ATXN1: variants seen among roughly 807,000 people sequenced by gnomAD.
The protein encoded by ATXN1 is ataxin-1.
ATXN1 carries 8 observed loss-of-function variants against 56.4 expected under a neutral mutation model. The ratio of observed to expected loss-of-function variants is 0.14; its 90% confidence interval spans 0.08 to 0.26. ATXN1 has a LOEUF of 0.26. Among genes scored for constraint, ATXN1 ranks in the 10% least tolerant of loss-of-function variants. The pLI is 1.00. For missense variants in ATXN1, 987 were observed against 1,106.5 expected (o/e 0.89, Z 1.53); for synonymous variants, 514 against 494.6 (o/e 1.04, Z -0.52).
chr6:16,332,328 C>T (rs180701804), intron 6 of ATXN1, among the ~76,000 whole-genome samples: 4 of 151,914 alleles, frequency 2.6e-5, no homozygotes, highest in Non-Finnish European at 5.9e-5. Context: ...CCTGGTCTAT[C>T]GGGTGATCAT....
At chr6:16,683,050 G>A (rs1355238679) in intron 2 of ATXN1, among the ~76,000 whole-genome samples, 3 of 152,022 alleles carry the variant, frequency 2.0e-5, no homozygotes, top group African/African-American at 7.2e-5. Context: ...CAACCAGGGA[G>A]TTGATGAGAT....
chr6:16,754,731 T>G (rs1348934025), intron 1 of ATXN1: 1 of 152,196 alleles, frequency 6.6e-6, no homozygotes, highest in Non-Finnish European at 1.5e-5. Flanking sequence ...TAGTCCTTGG[T>G]TTCCCCACAT....
chr6:16,338,243 C>G (rs1476826428), intron 6 of ATXN1, among the ~76,000 whole-genome samples: 2 of 152,152 alleles, frequency 1.3e-5, no homozygotes, highest in Non-Finnish European at 2.9e-5. Flanking sequence ...CCTGCAAACC[C>G]AGCACTTTAG....
chr6:16,379,241 G>A (rs1040852738), intron 6 of ATXN1, among the ~76,000 whole-genome samples: 8 of 152,112 alleles, frequency 5.3e-5, no homozygotes, highest in African/African-American at 7.2e-5. Context: ...ATGATACAGC[G>A]GACTTTGGGC....
chr6:16,603,535 C>T (rs147659532), intron 3 of ATXN1, among the ~76,000 whole-genome samples: 305 of 152,282 alleles, frequency 2.0e-3, no homozygotes, highest in African/African-American at 5.9e-3. Flanking sequence ...GGTTTTAAGA[C>T]GAGCAGGTGA....
intron 2 of ATXN1, among the ~76,000 whole-genome samples, chr6:16,688,775 A>G (rs1344874837): frequency 2.0e-5 from 3 of 152,212 alleles, no homozygotes; most frequent in Admixed American, 6.5e-5. Flanking sequence ...ATGCCATTCT[A>G]AAACTACCAA....
intron 5 of ATXN1, among the ~76,000 whole-genome samples, chr6:16,491,319 T>C (rs2113662617): frequency 6.9e-6 from 1 of 145,836 alleles, no homozygotes; most frequent in South Asian, 2.2e-4. Flanking sequence ...GGTTTCGCTC[T>C]TGTTGCCCAG....
At chr6:16,561,959 C>A (rs1278074956) in intron 4 of ATXN1, among the ~76,000 whole-genome samples, 4 of 152,122 alleles carry the variant, frequency 2.6e-5, no homozygotes, top group Non-Finnish European at 5.9e-5. Flanking sequence ...TGGTTATACA[C>A]ACTTAGGCAG....
At chr6:16,406,986 C>T (rs1372599365) in intron 6 of ATXN1, among the ~76,000 whole-genome samples, 1 of 152,198 alleles carries the variant, frequency 6.6e-6, no homozygotes, top group Non-Finnish European at 1.5e-5. Context: ...TAAAAATGGT[C>T]TTGCTGAGGA....
rs1221623818 is a variant in ATXN1, at chr6:16,302,668, G to GTAT, written c.*3658_*3660dup. 1 of 152,490 alleles carries GTAT rather than the reference G, an allele frequency of 6.6e-6. No individual in the cohort carries two copies. The highest frequency in any genetic ancestry group is 1.5e-5 in the Non-Finnish European group (1 of 68,008). The allele number at this position is 152,490 out of a possible 1,614,324, so 9.4% of individuals were successfully genotyped here. On this transcript the variant is annotated 3_prime_UTR_variant, in exon 8 of 8. Coordinates refer to ENST00000436367, the MANE Select transcript of ATXN1 (RefSeq NM_001128164.2). ...CTTGTTTGTTGGTTTCTTATTAATA[G>GTAT]TATTATTTTTTTCTTTTCGCCCTGA...
At chr6:16,724,264 T>G (rs145017131) in intron 2 of ATXN1, among the ~76,000 whole-genome samples, 1 of 152,100 alleles carries the variant, frequency 6.6e-6, no homozygotes, top group Non-Finnish European at 1.5e-5. Context: ...TCCTTCAGTA[T>G]GAATCGAGAG....
At chr6:16,654,085 A>T (rs1758136407) in intron 3 of ATXN1, among the ~76,000 whole-genome samples, 1 of 152,198 alleles carries the variant, frequency 6.6e-6, no homozygotes, top group Non-Finnish European at 1.5e-5. Context: ...AGCAGGAGGT[A>T]CTGGGATTAG....
At chr6:16,742,340 C>A (rs1002816867) in intron 2 of ATXN1, among the ~76,000 whole-genome samples, 1 of 152,174 alleles carries the variant, frequency 6.6e-6, no homozygotes, top group African/African-American at 2.4e-5. Flanking sequence ...GTCTGGGTTG[C>A]AGTGACCCAG....
intron 2 of ATXN1, among the ~76,000 whole-genome samples, chr6:16,693,406 T>C (rs1258387164): frequency 6.6e-6 from 1 of 152,132 alleles, no homozygotes; most frequent in Non-Finnish European, 1.5e-5. Flanking sequence ...ACAAGGTATG[T>C]GAAAGGGCTT....
intron 1 of ATXN1, chr6:16,761,065 TAC>T (rs3831007): frequency 0.39 from 116,113 of 300,836 alleles, 9,886 homozygotes; most frequent in South Asian, 0.45. Flanking sequence ...TGTACACACA[TAC>T]ACACACACAC....
intron 2 of ATXN1, among the ~76,000 whole-genome samples, chr6:16,731,721 T>C (rs1038694325): frequency 6.6e-6 from 1 of 152,046 alleles, no homozygotes; most frequent in Admixed American, 6.6e-5. Flanking sequence ...TGTCATTTAA[T>C]TTTTATCTAA....
intron 2 of ATXN1, among the ~76,000 whole-genome samples, chr6:16,667,913 T>C (rs1347603060): frequency 6.6e-6 from 1 of 152,220 alleles, no homozygotes; most frequent in Non-Finnish European, 1.5e-5. Context: ...TGTCTTTCTA[T>C]AACCACTGCA....
chr6:16,525,003 G>T (rs575330280), intron 4 of ATXN1, among the ~76,000 whole-genome samples: 5 of 152,298 alleles, frequency 3.3e-5, no homozygotes, highest in African/African-American at 1.2e-4. Flanking sequence ...AGTGAGCCAA[G>T]ATCATGCCAC....
intron 3 of ATXN1, among the ~76,000 whole-genome samples, chr6:16,645,412 C>T (rs2299064): frequency 0.26 from 39,687 of 152,090 alleles, 5,499 homozygotes; most frequent in East Asian, 0.47. Flanking sequence ...GCAAAGTAGA[C>T]TGGGTCCTTG....
Sources: gnomAD v4.1 joint callset for allele counts (sites outside exome capture counted in the v4.1 genomes callset) on GRCh38, gnomAD v4.1.1 for gene constraint, MANE v1.5 for transcripts, NCBI Gene and HGNC (gene_info 2026-07-23, HGNC 2026-07-21) for gene names.